The following SRD5A3 variants were observed in gnomAD, a reference collection of about 807,000 sequenced individuals.
The protein encoded by SRD5A3 is polyprenal reductase.
Under a neutral mutation model 34.3 loss-of-function variants are expected in SRD5A3, and 24 were observed. The ratio of observed to expected loss-of-function variants is 0.70; its 90% CI spans 0.51 to 0.99. The LOEUF (loss-of-function observed/expected upper bound fraction) is 0.99, where lower values mean the gene tolerates loss of function less well. Among genes scored for constraint, SRD5A3 ranks in the 50% least tolerant of loss-of-function variants. SRD5A3 has a pLI of 0.00. For missense variants in SRD5A3, 350 were observed against 388.2 expected (o/e 0.90, Z 0.83); for synonymous variants, 161 against 167.3 (o/e 0.96, Z 0.29).
chr4:55,348,233 C>T (rs2109458754), intron 1 of SRD5A3, among the ~76,000 whole-genome samples: 1 of 152,284 alleles, frequency 6.6e-6, no homozygotes, highest in African/African-American at 2.4e-5. Flanking sequence ...CCATAGTGTT[C>T]AAGTGCCCTT....
At chr4:55,359,990 A>T (rs1173171360) in intron 2 of SRD5A3, among the ~76,000 whole-genome samples, 1 of 152,194 alleles carries the variant, frequency 6.6e-6, no homozygotes, top group Non-Finnish European at 1.5e-5. Context: ...AGGCGGGCAG[A>T]TCACAAGGTC....
At chr4:55,363,722 A>T (rs2109479636) in intron 2 of SRD5A3, among the ~76,000 whole-genome samples, 1 of 152,272 alleles carries the variant, frequency 6.6e-6, no homozygotes, top group Non-Finnish European at 1.5e-5. Context: ...GGCCACTCAG[A>T]GGCTACCAGG....
chr4:55,348,366 G>T (rs1365045629), intron 1 of SRD5A3, among the ~76,000 whole-genome samples: 2 of 152,084 alleles, frequency 1.3e-5, no homozygotes. Context: ...ATCAAAACTG[G>T]CAGTGTCTCC....
At chr4:55,354,855 A>G (rs1719384765) in intron 1 of SRD5A3, among the ~76,000 whole-genome samples, 1 of 152,270 alleles carries the variant, frequency 6.6e-6, no homozygotes, top group Non-Finnish European at 1.5e-5. Flanking sequence ...TGTAAGCTCC[A>G]TGAAGGCAGG....
At chr4:55,369,572 AT>A in intron 4 of SRD5A3, 1 of 491,686 alleles carries the variant, frequency 2.0e-6, no homozygotes, top group Non-Finnish European at 3.6e-6. Context: ...TCTACAAAAA[AT>A]TCAAAAAATG....
chr4:55,363,614 C>A lies in SRD5A3; in HGVS notation c.365-460C>A, dbSNP rs183243481. On this transcript the variant is annotated intron_variant, in intron 2 of 4. Coordinates refer to ENST00000264228, the MANE Select transcript of SRD5A3 (RefSeq NM_024592.5). ...CAGCATGCCTCTAAAAGTATAATTTCTTTTTTTTAATGTGGAAAGAAATGC... is the reference window on the plus strand; with the variant it reads ...CAGCATGCCTCTAAAAGTATAATTTATTTTTTTTAATGTGGAAAGAAATGC... 2.0e-5 allele frequency among the ~76,000 whole-genome samples: 3 copies of A among 152,116 alleles called. No individual in the cohort carries two copies. The East Asian group carries it at 5.8e-4, about 29-fold the overall frequency.
At chr4:55,358,555 A>AAAAAAAAAAAAAAAAAAAAAAAAAAAG (rs1553881766) in intron 1 of SRD5A3, among the ~76,000 whole-genome samples, 1 of 110,174 alleles carries the variant, frequency 9.1e-6, no homozygotes. Context: ...AAAAAAAAAA[A>AAAAAAAAAAAAAAAAAAAAAAAAAAAG]AAGAAGAAGA....
rs1720174131 is a variant in SRD5A3, at chr4:55,372,856, C to T, written c.*2765C>T. The T allele has an allele frequency of 6.6e-6, 1 of 151,504 alleles. No individual in the cohort carries two copies. Among genetic ancestry groups the T allele is most frequent in the African/African-American group, 2.4e-5 (1 of 41,172 alleles). The allele number at this position is 151,504 out of a possible 1,614,324, so 9.4% of individuals were successfully genotyped here. ...TCCTATACACTAACATTTGCTTAAC[C>T]ATGGATTATTTTGTCTCTACAAAGC... On this transcript the variant is annotated 3_prime_UTR_variant, in exon 5 of 5. Coordinates refer to ENST00000264228, the MANE Select transcript of SRD5A3 (RefSeq NM_024592.5).
At position 55,363,754 on chromosome 4, in the gene SRD5A3, G is replaced by GTC. The variant is rs574422268; in HGVS notation, c.365-320_365-319insTC. On this transcript the variant is annotated intron_variant, in intron 2 of 4. Transcript: ENST00000264228. ...CAGGAACGCTTCCAGTTTGCATCTG[G>GTC]CTGTTAGTGCCAGGACCAGAAACCC... 2.3e-4 allele frequency among the ~76,000 whole-genome samples: 35 copies of GTC among 152,300 alleles called. No homozygotes were observed. The South Asian group carries it at 7.1e-3, about 31-fold the overall frequency.
intron 1 of SRD5A3, among the ~76,000 whole-genome samples, chr4:55,357,912 G>C (rs1047154068): frequency 1.3e-5 from 2 of 152,152 alleles, no homozygotes; most frequent in African/African-American, 4.8e-5. Context: ...GAGTGGAGTG[G>C]GTTGCCATGG....
At chr4:55,347,811 C>G (rs1578199736) in intron 1 of SRD5A3, among the ~76,000 whole-genome samples, 2 of 152,222 alleles carry the variant, frequency 1.3e-5, no homozygotes, top group Admixed American at 6.5e-5. Context: ...GAAGGGAGAA[C>G]TAGGTCATTC....
chr4:55,346,407 C>G lies in SRD5A3; in HGVS notation c.71C>G (p.Ala24Gly), dbSNP rs1718995546. Residue 24 changes from alanine (A) to glycine (G), a missense_variant, in exon 1 of 5, where the codon GCC becomes GGC. By Grantham distance (60) the Ala-to-Gly change is moderately conservative (BLOSUM62 0). Coordinates refer to ENST00000264228, the MANE Select transcript of SRD5A3 (RefSeq NM_024592.5). ...CGCGCGGTGTGGCTCACGCTGACCG[C>G]CGCCTTCCTGCTGACCCTACTGCTG... is the stretch of plus-strand genomic sequence containing the variant. ...PLRAVWLTLT[A>G]AFLLTLLLQL... 1.3e-6 allele frequency: 2 copies of G among 1,593,022 alleles called. No individual in the cohort carries two copies. Among genetic ancestry groups the G allele is most frequent in the East Asian group, 4.6e-5 (2 of 43,024 alleles).
At chr4:55,363,479 CA>C (rs1271142480) in intron 2 of SRD5A3, among the ~76,000 whole-genome samples, 1 of 151,512 alleles carries the variant, frequency 6.6e-6, no homozygotes, top group Non-Finnish European at 1.5e-5. Flanking sequence ...AAATAAAAAA[CA>C]AAAAAGAAAA....
intron 2 of SRD5A3, 119 bp from the exon 3 acceptor site, chr4:55,363,955 T>C (rs1468083069): frequency 1.9e-6 from 2 of 1,051,954 alleles, no homozygotes; most frequent in African/African-American, 1.6e-5. Flanking sequence ...ATTTCTTCCT[T>C]ACTACCAAAA....
chr4:55,367,351 G>GA (rs2109484523), intron 3 of SRD5A3, among the ~76,000 whole-genome samples: 1 of 152,312 alleles, frequency 6.6e-6, no homozygotes, highest in Admixed American at 6.5e-5. Context: ...CATAGCTGAG[G>GA]AACGTATCTC....
At chr4:55,363,871 G>GAACCCAGTGAACTGTGT (rs1284347098) in intron 2 of SRD5A3, 31 of 617,430 alleles carry the variant, frequency 5.0e-5, no homozygotes, top group Non-Finnish European at 6.7e-5. Context: ...GGGTGTTTGT[G>GAACCCAGTGAACTGTGT]AACCCAGTGA....
intron 1 of SRD5A3, among the ~76,000 whole-genome samples, chr4:55,349,196 G>T (rs755879460): frequency 6.6e-6 from 1 of 152,028 alleles, no homozygotes; most frequent in African/African-American, 2.4e-5. Flanking sequence ...CACCATGCCT[G>T]GCTAATTTTT....
rs2109489076 is a variant in SRD5A3 at position 55,369,999 on chromosome 4, G to T, written c.865G>T (p.Ala289Ser). Residue 289 changes from alanine to serine, a missense_variant, in exon 5 of 5, where the codon GCC becomes TCC. Coordinates refer to ENST00000264228, the MANE Select transcript of SRD5A3 (RefSeq NM_024592.5). ...LVVTNVFFNQ[A>S]LSAFLSHQFY... ...GGTGACAAATGTCTTCTTTAATCAGGCCCTGTCTGCCTTTCTCAGCCACCA... is the reference window on the plus strand; with the variant it reads ...GGTGACAAATGTCTTCTTTAATCAGTCCCTGTCTGCCTTTCTCAGCCACCA... 1 of 1,614,042 alleles carries T rather than the reference G, an allele frequency of 6.2e-7. No homozygotes were observed. The highest frequency in any genetic ancestry group is 8.5e-7 in the Non-Finnish European group (1 of 1,179,998).
At chr4:55,354,059 C>T (rs1010719491) in intron 1 of SRD5A3, among the ~76,000 whole-genome samples, 4 of 152,152 alleles carry the variant, frequency 2.6e-5, no homozygotes, top group Non-Finnish European at 4.4e-5. Context: ...CCCCATAACA[C>T]CTGGGGCCTG....
Sources: gnomAD v4.1 joint callset for allele counts (sites outside exome capture counted in the v4.1 genomes callset) on GRCh38, gnomAD v4.1.1 for gene constraint, MANE v1.5 for transcripts, NCBI Gene and HGNC (gene_info 2026-07-23, HGNC 2026-07-21) for gene names.